Variants in PLSCR4 observed in about 807,000 individuals in gnomAD.
PLSCR4 encodes the protein phospholipid scramblase 4.
Under a neutral mutation model 36.3 loss-of-function variants are expected in PLSCR4, and 25 were observed. The ratio of observed to expected loss-of-function variants is 0.69; its 90% confidence interval spans 0.50 to 0.96. The LOEUF (loss-of-function observed/expected upper bound fraction) is 0.96. PLSCR4 is among the 40% of genes least tolerant of loss of function. PLSCR4 has a pLI of 0.00. For synonymous variants in PLSCR4, 122 were observed against 132.9 expected, an observed-to-expected ratio of 0.92 and a Z score of 0.56; for missense variants, 408 against 414.7, an observed-to-expected ratio of 0.98 and a Z score of 0.14.
intron 1 of PLSCR4, chr3:146,250,739 A>C (rs2036513169): frequency 6.6e-6 from 1 of 151,066 alleles, no homozygotes; most frequent in South Asian, 2.2e-4. Flanking sequence ...CTGCGTCTGC[A>C]GTGCAGACGC....
chr3:146,216,811 A>G (rs1298634887), intron 3 of PLSCR4, among the ~76,000 whole-genome samples: 1 of 152,150 alleles, frequency 6.6e-6, no homozygotes, highest in Non-Finnish European at 1.5e-5. Flanking sequence ...AGCTATTTTT[A>G]AGTCCTTAAG....
At position 146,199,812 on chromosome 3, in the gene PLSCR4, C is replaced by T. The variant is rs146224935; in HGVS notation, c.624+1G>A. 118 of 1,609,988 alleles carry T rather than the reference C, an allele frequency of 7.3e-5. No homozygotes were observed. The highest frequency in any genetic ancestry group is 9.6e-5 in the Non-Finnish European group (113 of 1,176,846). On this transcript the variant is annotated splice_donor_variant, in intron 6 of 8. Coordinates refer to ENST00000354952, the MANE Select transcript of PLSCR4 (RefSeq NM_020353.3). LOFTEE classifies it high-confidence loss of function. ...TGTGGATCAGACTTCCATTCTCTGA[C>T]CTCTTGTCTGGCAGAGGGGCAACAG... is the stretch of plus-strand genomic sequence containing the variant.
At chr3:146,242,105 T>G (rs1033699901) in intron 1 of PLSCR4, among the ~76,000 whole-genome samples, 1 of 152,148 alleles carries the variant, frequency 6.6e-6, no homozygotes, top group Non-Finnish European at 1.5e-5. Flanking sequence ...CATCACACCA[T>G]GACCAAATAA....
At chr3:146,195,017 A>C in intron 8 of PLSCR4, 107 bp downstream of exon 8, 1 of 889,956 alleles carries the variant, frequency 1.1e-6, no homozygotes, top group Non-Finnish European at 1.7e-6. Context: ...TAAGTGGCAC[A>C]GAGATAAGTT....
At chr3:146,211,942 T>C (rs2034644621) in intron 3 of PLSCR4, among the ~76,000 whole-genome samples, 1 of 152,168 alleles carries the variant, frequency 6.6e-6, no homozygotes, top group South Asian at 2.1e-4. Flanking sequence ...TACTGTGGTA[T>C]TGACTTCTGT....
intron 4 of PLSCR4, among the ~76,000 whole-genome samples, chr3:146,204,167 T>G (rs9839874): frequency 6.6e-6 from 1 of 151,768 alleles, no homozygotes; most frequent in South Asian, 2.1e-4. Flanking sequence ...AAGTCACTGG[T>G]AAAGCCAAGA....
intron 1 of PLSCR4, among the ~76,000 whole-genome samples, chr3:146,232,126 G>T (rs763868170): frequency 7.9e-5 from 12 of 152,064 alleles, no homozygotes; most frequent in Non-Finnish European, 1.5e-4. Flanking sequence ...TTTCCCCATT[G>T]CTTGGTATTG....
At chr3:146,206,308 C>G (rs2108240031) in intron 4 of PLSCR4, among the ~76,000 whole-genome samples, 1 of 152,080 alleles carries the variant, frequency 6.6e-6, no homozygotes, top group South Asian at 2.1e-4. Context: ...AACATAAATC[C>G]TTATGAAAAA....
intron 1 of PLSCR4, among the ~76,000 whole-genome samples, chr3:146,231,793 T>C (rs1442248599): frequency 1.3e-5 from 2 of 152,186 alleles, no homozygotes; most frequent in Non-Finnish European, 2.9e-5. Flanking sequence ...TATTTTCTCC[T>C]ATTCTGTAGG....
At chr3:146,201,753 C>T (rs756625025) in intron 4 of PLSCR4, among the ~76,000 whole-genome samples, 6 of 151,470 alleles carry the variant, frequency 4.0e-5, no homozygotes, top group Admixed American at 1.3e-4. Flanking sequence ...ATGAAAAGGA[C>T]GGCTGGGTAT....
chr3:146,233,133 TGAATTTACAA>T (rs2035785833), intron 1 of PLSCR4, among the ~76,000 whole-genome samples: 1 of 152,142 alleles, frequency 6.6e-6, no homozygotes, highest in Non-Finnish European at 1.5e-5. Context: ...ATAGTTCCTT[TGAATTTACAA>T]ATTTTGTCAT....
chr3:146,251,054 G>C lies in PLSCR4; in HGVS notation c.-116C>G, dbSNP rs933506607. The C allele has an allele frequency of 6.5e-6, 1 of 152,696 alleles. No individual in the cohort carries two copies. The highest frequency in any genetic ancestry group is 1.5e-5 in the Non-Finnish European group (1 of 68,456). The allele number at this position is 152,696 out of a possible 1,614,324, so 9.5% of individuals were successfully genotyped here. On this transcript the variant is annotated 5_prime_UTR_variant, in exon 1 of 9. Coordinates refer to ENST00000354952, the MANE Select transcript of PLSCR4 (RefSeq NM_020353.3). Reference sequence around the variant, plus strand: ...GGGAAAGGAAAGGAGGCAGGGAAGGGAGACGGAGAGGATTTTTCAAGTTAT... The same window carrying C: ...GGGAAAGGAAAGGAGGCAGGGAAGGCAGACGGAGAGGATTTTTCAAGTTAT...
chr3:146,223,842 G>C (rs1156888890), intron 1 of PLSCR4: 1 of 124,128 alleles, frequency 8.1e-6, no homozygotes, highest in African/African-American at 3.1e-5. Flanking sequence ...TATATATTAT[G>C]TAAAAATGTT....
chr3:146,231,143 T>C (rs543954920), intron 1 of PLSCR4, among the ~76,000 whole-genome samples: 5 of 152,318 alleles, frequency 3.3e-5, no homozygotes, highest in African/African-American at 1.2e-4. Context: ...CTTGTGTTAA[T>C]TCCCTTAGGA....
intron 1 of PLSCR4, among the ~76,000 whole-genome samples, chr3:146,222,837 G>T (rs1266920755): frequency 1.3e-5 from 2 of 152,174 alleles, no homozygotes; most frequent in African/African-American, 4.8e-5. Flanking sequence ...GATGGCAGCA[G>T]CAATCCAGGT....
chr3:146,195,411 G>GA, intron 7 of PLSCR4, 129 bp from the exon 8 acceptor site: 1 of 763,492 alleles, frequency 1.3e-6, no homozygotes, highest in Non-Finnish European at 2.1e-6. Context: ...TTTGAAATGA[G>GA]AAAATAATGG....
At position 146,199,929 on chromosome 3, in the gene PLSCR4, T is replaced by G. The variant is rs1395979086; in HGVS notation, c.508A>C (p.Thr170Pro). The change falls in exon 6 of 9, where the codon ACA becomes CCA. Residue 170 changes from threonine to proline, a missense_variant. Physicochemically the swap from Thr to Pro is conservative, Grantham distance 38. Coordinates refer to ENST00000354952, the MANE Select transcript of PLSCR4 (RefSeq NM_020353.3). Reference sequence around the variant, plus strand: ...ACCCGGAGGACGAAGGGCCTTAGTGTCCGATAGGCATTCCTGGTAAAGTCA... The same window carrying G: ...ACCCGGAGGACGAAGGGCCTTAGTGGCCGATAGGCATTCCTGGTAAAGTCA... ...TDDFTRNAYR[T>P]LRPFVLRVTD... The G allele has an allele frequency of 6.2e-7, 1 of 1,613,580 alleles. No homozygotes were observed. The highest frequency in any genetic ancestry group is 8.5e-7 in the Non-Finnish European group (1 of 1,179,720).
intron 3 of PLSCR4, 127 bp downstream of exon 3, chr3:146,220,688 C>G (rs2035092552): frequency 1.5e-6 from 1 of 666,270 alleles, no homozygotes; most frequent in Admixed American, 2.6e-5. Context: ...CTATGTGGCA[C>G]CCTATTGGCA....
chr3:146,195,424 A>G, intron 7 of PLSCR4, 142 bp from the exon 8 acceptor site: 2 of 680,524 alleles, frequency 2.9e-6, no homozygotes, highest in South Asian at 4.0e-5. Flanking sequence ...AATAATGGCC[A>G]AAAAGGGTTA....
Sources: gnomAD v4.1 joint callset for allele counts (sites outside exome capture counted in the v4.1 genomes callset) on GRCh38, gnomAD v4.1.1 for gene constraint, MANE v1.5 for transcripts, NCBI Gene and HGNC (gene_info 2026-07-23, HGNC 2026-07-21) for gene names.